RASGRF2: variants seen among roughly 807,000 people sequenced by gnomAD.
RASGRF2 encodes Ras protein specific guanine nucleotide releasing factor 2.
A neutral mutation model predicts 151.0 loss-of-function variants in RASGRF2; 76 were observed. The ratio of observed to expected loss-of-function variants is 0.50; its 90% CI spans 0.42 to 0.61. RASGRF2 has a LOEUF of 0.61. Ranked by LOEUF, RASGRF2 falls within the 20% of genes least tolerant of loss-of-function variation. RASGRF2 has a pLI of 0.00. For missense variants in RASGRF2, 1,148 were observed against 1,564.6 expected (o/e 0.73, Z 4.49); for synonymous variants, 504 against 566.5 (o/e 0.89, Z 1.57).
intron 10 of RASGRF2, among the ~76,000 whole-genome samples, chr5:81,093,280 CA>C (rs759703638): frequency 6.6e-6 from 1 of 152,222 alleles, no homozygotes; most frequent in East Asian, 1.9e-4. Context: ...TACTGAGCTA[CA>C]AAAATCTTCT....
intron 6 of RASGRF2, 152 bp downstream of exon 6, chr5:81,080,352 G>A (rs575645319): frequency 2.8e-6 from 4 of 1,432,350 alleles, no homozygotes; most frequent in African/African-American, 1.4e-5. Flanking sequence ...TGCCTTTTGG[G>A]TACTTTGGGC....
intron 15 of RASGRF2, among the ~76,000 whole-genome samples, chr5:81,123,107 T>C (rs1753353683): frequency 6.6e-6 from 1 of 152,180 alleles, no homozygotes; most frequent in South Asian, 2.1e-4. Context: ...AATTTAACTT[T>C]AGTTAATGTA....
intron 18 of RASGRF2, among the ~76,000 whole-genome samples, chr5:81,200,361 C>G (rs1170905858): frequency 6.9e-6 from 1 of 145,224 alleles, no homozygotes; most frequent in Non-Finnish European, 1.5e-5. Flanking sequence ...TCGATAGGGA[C>G]TTACAGGTTC....
intron 1 of RASGRF2, among the ~76,000 whole-genome samples, chr5:80,996,515 TCCTCCC>T (rs1561544814): frequency 0.012 from 553 of 46,472 alleles, 77 homozygotes; most frequent in Non-Finnish European, 0.016. Context: ...CTCCTCCTCC[TCCTCCC>T]CCTCCTCCTC....
intron 17 of RASGRF2, among the ~76,000 whole-genome samples, chr5:81,158,631 G>GA (rs1386707451): frequency 2.6e-5 from 4 of 151,840 alleles, no homozygotes; most frequent in South Asian, 2.1e-4. Flanking sequence ...TGAGAAAAAA[G>GA]AAAAAATGGG....
chr5:80,994,211 A>G (rs1237035862), intron 1 of RASGRF2, among the ~76,000 whole-genome samples: 12 of 151,714 alleles, frequency 7.9e-5, no homozygotes, highest in Admixed American at 7.9e-4. Context: ...TAAAAATACA[A>G]AAAAATTAGC....
chr5:81,142,840 G>A (rs1032445165), intron 17 of RASGRF2, among the ~76,000 whole-genome samples: 2 of 152,130 alleles, frequency 1.3e-5, no homozygotes, highest in Non-Finnish European at 2.9e-5. Flanking sequence ...TTCTAAGCAT[G>A]GGCGGTGTGT....
intron 1 of RASGRF2, among the ~76,000 whole-genome samples, chr5:81,025,450 G>T (rs1749985751): frequency 6.6e-6 from 1 of 152,224 alleles, no homozygotes; most frequent in Non-Finnish European, 1.5e-5. Flanking sequence ...GGGTGTGTGT[G>T]TTGGGGCACA....
chr5:80,962,693 A>G (rs966971932), intron 1 of RASGRF2, among the ~76,000 whole-genome samples: 4 of 152,046 alleles, frequency 2.6e-5, no homozygotes, highest in Non-Finnish European at 2.9e-5. Context: ...TTATATGGAA[A>G]CCAACATTTT....
intron 1 of RASGRF2, among the ~76,000 whole-genome samples, chr5:80,985,515 A>AATG (rs1748447492): frequency 6.6e-6 from 1 of 152,244 alleles, no homozygotes; most frequent in South Asian, 2.1e-4. Flanking sequence ...GATGTTAGAT[A>AATG]AAGAGCATTA....
At chr5:80,977,864 C>A (rs1748176468) in intron 1 of RASGRF2, among the ~76,000 whole-genome samples, 1 of 152,160 alleles carries the variant, frequency 6.6e-6, no homozygotes, top group South Asian at 2.1e-4. Context: ...GTATTCTGTT[C>A]ATTTTATGGT....
intron 1 of RASGRF2, among the ~76,000 whole-genome samples, chr5:80,983,675 G>T (rs538204999): frequency 1.3e-5 from 2 of 152,206 alleles, no homozygotes; most frequent in African/African-American, 2.4e-5. Flanking sequence ...CACTAGCCAC[G>T]TGTGGCTTTT....
intron 17 of RASGRF2, among the ~76,000 whole-genome samples, chr5:81,151,010 A>C (rs1754120936): frequency 6.6e-6 from 1 of 152,228 alleles, no homozygotes; most frequent in African/African-American, 2.4e-5. Context: ...TAGTGTAGAC[A>C]GTTTTGATGG....
At chr5:81,092,321 G>A (rs1381370517) in intron 9 of RASGRF2, among the ~76,000 whole-genome samples, 1 of 142,620 alleles carries the variant, frequency 7.0e-6, no homozygotes, top group African/African-American at 2.5e-5. Flanking sequence ...TACATGTATT[G>A]TACATTCTAT....
At chr5:80,975,012 A>G (rs945165472) in intron 1 of RASGRF2, among the ~76,000 whole-genome samples, 2 of 152,116 alleles carry the variant, frequency 1.3e-5, no homozygotes, top group African/African-American at 2.4e-5. Context: ...CCTAATTTCT[A>G]AAGTATAGCC....
chr5:80,973,841 A>G (rs1021151376), intron 1 of RASGRF2, among the ~76,000 whole-genome samples: 2 of 152,200 alleles, frequency 1.3e-5, no homozygotes, highest in African/African-American at 4.8e-5. Flanking sequence ...AGGGAGCTGG[A>G]CAGCCAGTTC....
At chr5:80,973,683 A>T (rs1261727650) in intron 1 of RASGRF2, among the ~76,000 whole-genome samples, 1 of 152,216 alleles carries the variant, frequency 6.6e-6, no homozygotes, top group South Asian at 2.1e-4. Context: ...ACAGGTCTCT[A>T]TGATACTCCA....
At chr5:81,039,662 A>G (rs1750620388) in intron 1 of RASGRF2, among the ~76,000 whole-genome samples, 1 of 152,220 alleles carries the variant, frequency 6.6e-6, no homozygotes, top group Non-Finnish European at 1.5e-5. Flanking sequence ...ATCTTTATAC[A>G]TAAAAGTAAT....
chr5:81,215,950 T>A lies in RASGRF2; in HGVS notation c.3429T>A (p.Leu1143=). 1 of 1,533,442 alleles carries A rather than the reference T, an allele frequency of 6.5e-7. No homozygotes were observed. The allele number at this position is 1,533,442 out of a possible 1,614,324, so 95.0% of individuals were successfully genotyped here. The part of the protein sequence containing the change: ...EGRFKNLRET[L]KNCNPPAVPY... ...GATTTAAAAATCTTAGAGAAACCCTTAAAAAGTATGTCTATCTTAATTATT... is the reference window on the plus strand; with the variant it reads ...GATTTAAAAATCTTAGAGAAACCCTAAAAAAGTATGTCTATCTTAATTATT... Residue 1143 remains leucine (L), a synonymous_variant, in exon 24 of 27, where the codon CTT becomes CTA. Transcript: ENST00000265080.
Sources: gnomAD v4.1 joint callset for allele counts (sites outside exome capture counted in the v4.1 genomes callset) on GRCh38, gnomAD v4.1.1 for gene constraint, MANE v1.5 for transcripts, NCBI Gene and HGNC (gene_info 2026-07-23, HGNC 2026-07-21) for gene names.